Variants in NKAIN3 observed in about 807,000 individuals in gnomAD.
NKAIN3 encodes sodium/potassium transporting ATPase interacting 3.
NKAIN3 carries 25 observed loss-of-function variants against 30.2 expected under a neutral mutation model. That is an observed-to-expected ratio of 0.83 (90% CI 0.60 to 1.16). NKAIN3 has a LOEUF of 1.16. Ranked by LOEUF, NKAIN3 falls within the 50% of genes most tolerant of loss-of-function variation. The pLI, the probability that NKAIN3 is intolerant of heterozygous loss-of-function variation, is 0.00. For missense variants in NKAIN3, 225 were observed against 254.1 expected (o/e 0.89, Z 0.78); for synonymous variants, 91 against 89.6 (o/e 1.02, Z -0.09).
In NKAIN3 at chr8:62,972,836, C is replaced by T. The variant is rs1486966833; in HGVS notation, c.*7429C>T. 6.6e-6 allele frequency among the ~76,000 whole-genome samples: 1 copy of T among 151,894 alleles called. No homozygotes were observed. Among genetic ancestry groups the T allele is most frequent in the Non-Finnish European group, 1.5e-5 (1 of 68,002 alleles). On this transcript the variant is annotated 3_prime_UTR_variant, in exon 7 of 7. Transcript: ENST00000623646. The stretch of plus-strand genomic sequence containing the variant: ...GTTATCCCTCCCCTTGTCCCCCACT[C>T]CCCAACAGGCCCTGGTGTGTGATGT...
chr8:62,851,307 G>A (rs1489074003), intron 4 of NKAIN3, among the ~76,000 whole-genome samples: 1 of 152,144 alleles, frequency 6.6e-6, no homozygotes, highest in Non-Finnish European at 1.5e-5. Context: ...CATTGATTTT[G>A]TATCCTGAGA....
At chr8:62,802,192 A>T (rs1401895045) in intron 4 of NKAIN3, among the ~76,000 whole-genome samples, 2 of 152,234 alleles carry the variant, frequency 1.3e-5, no homozygotes, top group African/African-American at 4.8e-5. Context: ...TGGAAAACAC[A>T]GTGCAGGATA....
At chr8:62,767,652 CT>C (rs1816885242) in intron 4 of NKAIN3, among the ~76,000 whole-genome samples, 1 of 151,638 alleles carries the variant, frequency 6.6e-6, no homozygotes, top group Non-Finnish European at 1.5e-5. Context: ...TTTTCATTTA[CT>C]TAGAAGCTTA....
At chr8:62,706,301 T>G (rs1489573543) in intron 3 of NKAIN3, among the ~76,000 whole-genome samples, 2 of 152,122 alleles carry the variant, frequency 1.3e-5, no homozygotes, top group African/African-American at 2.4e-5. Context: ...TTTCCCTTTC[T>G]AGTGAATACA....
At chr8:62,636,764 C>T (rs1170722403) in intron 3 of NKAIN3, among the ~76,000 whole-genome samples, 1 of 152,126 alleles carries the variant, frequency 6.6e-6, no homozygotes. Flanking sequence ...AAAATCATGT[C>T]ACTGGTATAC....
intron 3 of NKAIN3, among the ~76,000 whole-genome samples, chr8:62,721,962 T>C (rs1459116666): frequency 1.3e-5 from 2 of 152,192 alleles, no homozygotes; most frequent in Non-Finnish European, 2.9e-5. Flanking sequence ...GAAGAGTTGT[T>C]TCATGGCTAG....
chr8:62,981,265 A>G lies in NKAIN3; in HGVS notation c.*15858A>G, dbSNP rs538444203. 6.6e-6 allele frequency: 1 copy of G among 152,290 alleles called. No individual in the cohort carries two copies. The highest frequency in any genetic ancestry group is 1.9e-4 in the East Asian group (1 of 5,184). 9.4% of individuals were successfully genotyped at this position (152,290 alleles called of 1,614,324 possible). On this transcript the variant is annotated 3_prime_UTR_variant, in exon 7 of 7. Coordinates refer to ENST00000623646, the MANE Select transcript of NKAIN3 (RefSeq NM_001304533.3). ...TTAAGAAAATGGAGAGTTTTCATTA[A>G]AGGGCCCCTGCAAATCTATGATGCT...
chr8:62,633,305 T>C (rs756215579), intron 3 of NKAIN3, among the ~76,000 whole-genome samples: 48 of 152,170 alleles, frequency 3.2e-4, no homozygotes, highest in Non-Finnish European at 6.2e-4. Flanking sequence ...TGACTATGTC[T>C]TTTGCGTTGT....
At chr8:62,832,243 T>C (rs1410021515) in intron 4 of NKAIN3, among the ~76,000 whole-genome samples, 1 of 146,452 alleles carries the variant, frequency 6.8e-6, no homozygotes, top group Non-Finnish European at 1.5e-5. Flanking sequence ...GAACAATACC[T>C]GGTATGACCA....
chr8:62,833,865 A>C (rs1311605974), intron 4 of NKAIN3, among the ~76,000 whole-genome samples: 2 of 152,108 alleles, frequency 1.3e-5, no homozygotes, highest in African/African-American at 4.8e-5. Context: ...TGGCAAAGAC[A>C]CCACGAAAAA....
intron 3 of NKAIN3, among the ~76,000 whole-genome samples, chr8:62,618,076 G>A (rs773655062): frequency 6.6e-6 from 1 of 152,290 alleles, no homozygotes; most frequent in African/African-American, 2.4e-5. Flanking sequence ...GATCTAAAAT[G>A]TTGGCCATTC....
chr8:62,719,812 A>AGCG (rs1348585051), intron 3 of NKAIN3, among the ~76,000 whole-genome samples: 1 of 133,972 alleles, frequency 7.5e-6, no homozygotes, highest in Non-Finnish European at 1.5e-5. Context: ...GCTGGAGTGC[A>AGCG]GCGGCGCGAT....
At chr8:62,727,651 A>T (rs902640014) in intron 3 of NKAIN3, among the ~76,000 whole-genome samples, 3 of 152,166 alleles carry the variant, frequency 2.0e-5, no homozygotes, top group African/African-American at 7.2e-5. Context: ...TGTGTATAAG[A>T]TCTTTATGAG....
intron 1 of NKAIN3, among the ~76,000 whole-genome samples, chr8:62,267,985 T>TA (rs1326560601): frequency 6.6e-6 from 1 of 152,228 alleles, no homozygotes; most frequent in Non-Finnish European, 1.5e-5. Context: ...TTGAAAATTT[T>TA]AAAAAATCTA....
intron 1 of NKAIN3, among the ~76,000 whole-genome samples, chr8:62,379,245 T>A (rs1450766077): frequency 6.6e-6 from 1 of 152,194 alleles, no homozygotes; most frequent in African/African-American, 2.4e-5. Flanking sequence ...ATCTAGGAAG[T>A]TACTAACTTG....
chr8:62,401,007 C>T (rs956719462), intron 1 of NKAIN3, among the ~76,000 whole-genome samples: 1 of 147,584 alleles, frequency 6.8e-6, no homozygotes, highest in Non-Finnish European at 1.5e-5. Context: ...ATTAAACTTT[C>T]TACCTTTCTC....
At chr8:62,800,799 G>T (rs986986100) in intron 4 of NKAIN3, among the ~76,000 whole-genome samples, 4 of 150,830 alleles carry the variant, frequency 2.7e-5, no homozygotes, top group Non-Finnish European at 5.9e-5. Flanking sequence ...TGCGCAAGCT[G>T]AAGCAGGGCG....
At chr8:62,724,750 A>G (rs755341089) in intron 3 of NKAIN3, among the ~76,000 whole-genome samples, 3 of 152,120 alleles carry the variant, frequency 2.0e-5, no homozygotes, top group Non-Finnish European at 4.4e-5. Flanking sequence ...AATTGTGTAT[A>G]CATACCACAT....
chr8:62,801,260 A>G (rs1818053481), intron 4 of NKAIN3, among the ~76,000 whole-genome samples: 1 of 152,158 alleles, frequency 6.6e-6, no homozygotes, highest in African/African-American at 2.4e-5. Flanking sequence ...CTTTGAAGAG[A>G]GCAGTGGTTC....
Sources: gnomAD v4.1 joint callset for allele counts (sites outside exome capture counted in the v4.1 genomes callset) on GRCh38, gnomAD v4.1.1 for gene constraint, MANE v1.5 for transcripts, NCBI Gene and HGNC (gene_info 2026-07-23, HGNC 2026-07-21) for gene names.